Variants in BCORL1 observed in about 807,000 individuals in gnomAD.
The protein encoded by BCORL1 is BCL6 corepressor like 1, also known as BCL-6 corepressor-like protein 1.
Under a neutral mutation model 87.6 loss-of-function variants are expected in BCORL1, and 7 were observed. The observed-to-expected ratio is 0.08, with a 90% CI of 0.05 to 0.15. BCORL1 has a LOEUF of 0.15. Ranked by LOEUF, BCORL1 falls within the 10% of genes least tolerant of loss-of-function variation. The probability of loss-of-function intolerance (pLI) is 1.00; values close to 1 mark genes in which losing one functional copy is unlikely to be tolerated. For synonymous variants in BCORL1, 591 were observed against 634.4 expected (o/e 0.93, Z 1.03); for missense variants, 1,215 against 1,499.7 (o/e 0.81, Z 3.13).
chrX:130,034,465 G>T lies in BCORL1; in HGVS notation c.4316G>T (p.Arg1439Leu). ...TVSEEAKGKG[R>L]WSQQKTRSPK... ...ATCTCTGCTTTCCAGGGCAAAGGTC[G>T]TTGGAGCCAGCAGAAGACACGATCT... Residue 1439 changes from arginine to leucine, a missense_variant, in exon 9 of 14, where the codon CGT becomes CTT. Arg to Leu is a moderately radical substitution (Grantham distance 102, BLOSUM62 -2). Around this residue, in one of 5 missense-constraint regions of BCORL1, gnomAD observed 166 missense variants for 196.5 expected, o/e 0.84. Transcript: ENST00000540052. The T allele has an allele frequency of 1.0e-6, 1 of 982,675 alleles. No individual in the cohort carries two copies. Among genetic ancestry groups the T allele is most frequent in the Non-Finnish European group, 1.3e-6 (1 of 755,901 alleles). The allele number at this position is 982,675 out of a possible 1,213,427, so 81.0% of individuals were successfully genotyped here. A position where few individuals can be genotyped will look rare whatever the true frequency, so the allele number is the denominator to read the frequency against.
intron 12 of BCORL1, among the ~76,000 whole-genome samples, chrX:130,051,347 C>G (rs753968053): frequency 1.2e-4 from 14 of 113,009 alleles, no homozygotes; most frequent in African/African-American, 4.5e-4. Context: ...GAAACACCCA[C>G]TCCTACCCTT....
chrX:130,049,916 G>A (rs1931973229), intron 11 of BCORL1, among the ~76,000 whole-genome samples: 2 of 111,615 alleles, frequency 1.8e-5, no homozygotes, highest in African/African-American at 3.3e-5. Flanking sequence ...GCTCTACACC[G>A]TATAAAGTGG....
At chrX:129,988,476 GTAAC>G (rs1926805517) in intron 1 of BCORL1, among the ~76,000 whole-genome samples, 1 of 109,872 alleles carries the variant, frequency 9.1e-6, no homozygotes, top group Non-Finnish European at 1.9e-5. Flanking sequence ...AAAAAAAAAA[GTAAC>G]TGAGTAACTG....
At chrX:129,995,122 C>T (rs750910109) in intron 1 of BCORL1, among the ~76,000 whole-genome samples, 82 of 110,855 alleles carry the variant, frequency 7.4e-4, no homozygotes, top group African/African-American at 2.7e-3. Context: ...TCTCCTGCCT[C>T]GGCCTCCTGA....
chrX:129,999,820 C>T (rs1334934436), intron 1 of BCORL1, among the ~76,000 whole-genome samples: 1 of 109,583 alleles, frequency 9.1e-6, no homozygotes, highest in Non-Finnish European at 1.9e-5. Flanking sequence ...ATTACAGGTG[C>T]CTGCCACCAC....
chrX:130,020,781 A>G (rs961951170), intron 4 of BCORL1, among the ~76,000 whole-genome samples: 1 of 111,759 alleles, frequency 8.9e-6, no homozygotes, highest in Non-Finnish European at 1.9e-5. Flanking sequence ...GTGGACGCCT[A>G]TGGGGATTAG....
chrX:130,041,333 C>T (rs6637681), intron 11 of BCORL1, among the ~76,000 whole-genome samples: 6,839 of 104,612 alleles, frequency 0.065, 603 homozygotes, highest in African/African-American at 0.23. Context: ...ACACGTTTCT[C>T]TTATCTTTCT....
intron 11 of BCORL1, among the ~76,000 whole-genome samples, chrX:130,045,487 G>A (rs1243461015): frequency 9.0e-6 from 1 of 111,463 alleles, no homozygotes; most frequent in African/African-American, 3.3e-5. Context: ...TGGTGAGTGA[G>A]TTAGAGGAGA....
intron 9 of BCORL1, among the ~76,000 whole-genome samples, chrX:130,035,589 G>T (rs1463920158): frequency 8.9e-6 from 1 of 112,130 alleles, no homozygotes; most frequent in Non-Finnish European, 1.9e-5. Flanking sequence ...AGCCAGACTG[G>T]TCAGCTCTGG....
intron 1 of BCORL1, among the ~76,000 whole-genome samples, chrX:129,989,302 A>ATTTTT (rs34124916): frequency 4.2e-5 from 3 of 71,715 alleles, no homozygotes; most frequent in African/African-American, 1.7e-4. Flanking sequence ...TGCCCGGCTA[A>ATTTTT]TTTTTTTTTT....
At chrX:130,012,204 G>A (rs1443367240) in intron 2 of BCORL1, among the ~76,000 whole-genome samples, 1 of 111,903 alleles carries the variant, frequency 8.9e-6, no homozygotes, top group Non-Finnish European at 1.9e-5. Context: ...GCATTCAGTG[G>A]TTCTCATGTC....
chrX:129,989,055 G>T (rs973334973), intron 1 of BCORL1, among the ~76,000 whole-genome samples: 10 of 111,521 alleles, frequency 9.0e-5, no homozygotes, highest in Admixed American at 9.6e-5. Flanking sequence ...TGCCTGGGGG[G>T]GCTTTGGAGA....
At chrX:129,983,821 AC>A (rs1463387565) in intron 1 of BCORL1, among the ~76,000 whole-genome samples, 2 of 109,617 alleles carry the variant, frequency 1.8e-5, no homozygotes. Context: ...CAAGCCCTCC[AC>A]CCGCTTCGCG....
intron 1 of BCORL1, among the ~76,000 whole-genome samples, chrX:129,998,995 G>A (rs1364455489): frequency 9.1e-6 from 1 of 110,243 alleles, no homozygotes; most frequent in Non-Finnish European, 1.9e-5. Flanking sequence ...TGCTCTCTAC[G>A]TGGTCATAAC....
Position 130,056,310 on chromosome X carries a change from C to A in BCORL1, c.*174C>A. On this transcript the variant is annotated 3_prime_UTR_variant, in exon 14 of 14. Coordinates refer to ENST00000540052, the MANE Select transcript of BCORL1 (RefSeq NM_001379451.1). Reference sequence around the variant, plus strand: ...TGGACTGTTTTTGTTTTTTTGGTTACAATTAGTTCTCATCTCCCTGTCGTC... The same window carrying A: ...TGGACTGTTTTTGTTTTTTTGGTTAAAATTAGTTCTCATCTCCCTGTCGTC... The A allele has an allele frequency of 2.1e-6, 1 of 466,648 alleles. No individual in the cohort carries two copies. The highest frequency in any genetic ancestry group is 3.4e-6 in the Non-Finnish European group (1 of 297,862). 38.5% of individuals were successfully genotyped at this position (466,648 alleles called of 1,213,427 possible). A position where few individuals can be genotyped will look rare whatever the true frequency, so the allele number is the denominator to read the frequency against.
chrX:130,013,162 C>T lies in BCORL1; in HGVS notation c.390C>T (p.Ala130=), dbSNP rs749788362. Residue 130 remains alanine, a synonymous_variant, in exon 4 of 14, where the codon GCC becomes GCT. Coordinates refer to ENST00000540052, the MANE Select transcript of BCORL1 (RefSeq NM_001379451.1). ...TCAAGCTTCCCGCATCTGACAGCGC[C>T]GAGGCCAGCAACAGCAGGGCCGACT... ...DGLKLPASDS[A]EASNSRADCS... 21 of 1,210,248 alleles carry T rather than the reference C, an allele frequency of 1.7e-5. No individual in the cohort carries two copies. Among genetic ancestry groups the T allele is most frequent in the East Asian group, 5.9e-5 (2 of 33,761 alleles).
At chrX:130,044,761 G>C (rs1197797091) in intron 11 of BCORL1, among the ~76,000 whole-genome samples, 1 of 110,490 alleles carries the variant, frequency 9.1e-6, no homozygotes, top group South Asian at 3.8e-4. Flanking sequence ...CGCCTGCCTC[G>C]GCCTCCCAAA....
At chrX:130,055,554 T>TCTAGAATGCCC (rs1358427068) in intron 13 of BCORL1, among the ~76,000 whole-genome samples, 2 of 112,533 alleles carry the variant, frequency 1.8e-5, no homozygotes, top group Non-Finnish European at 3.8e-5. Context: ...AGTTTTAGGT[T>TCTAGAATGCCC]CTAGAATGCC....
chrX:129,980,666 G>A (rs1048260247), upstream of BCORL1, among the ~76,000 whole-genome samples: 2 of 111,172 alleles, frequency 1.8e-5, no homozygotes, highest in Non-Finnish European at 3.8e-5. Flanking sequence ...GCCGTACACC[G>A]GACCGAATCG....
Sources: allele counts gnomAD v4.1 joint callset (sites outside exome capture counted in the v4.1 genomes callset), GRCh38; gene constraint gnomAD v4.1.1; regional missense constraint gnomAD v4.1.1; transcripts MANE v1.5; gene names NCBI Gene and HGNC (gene_info 2026-07-23, HGNC 2026-07-21).